Variants in DOCK4 observed in about 807,000 individuals in gnomAD.
DOCK4 encodes dedicator of cytokinesis 4.
Under a neutral mutation model 268.1 loss-of-function variants are expected in DOCK4, and 97 were observed. The ratio of observed to expected loss-of-function variants is 0.36; its 90% CI spans 0.31 to 0.43. The LOEUF (loss-of-function observed/expected upper bound fraction) is 0.43, where lower values mean the gene tolerates loss of function less well. Ranked by LOEUF, DOCK4 falls within the 20% of genes least tolerant of loss-of-function variation. The pLI is 1.00. For missense variants in DOCK4, 2,145 were observed against 2,455.7 expected (o/e 0.87, Z 2.67); for synonymous variants, 954 against 887.2 (o/e 1.08, Z -1.34).
intron 1 of DOCK4, among the ~76,000 whole-genome samples, chr7:112,051,460 T>G (rs1341208960): frequency 6.6e-6 from 1 of 152,078 alleles, no homozygotes; most frequent in African/African-American, 2.4e-5. Context: ...TTTAAATGAC[T>G]TCTTTTATCG....
chr7:111,748,600 G>A (rs1339495324), intron 42 of DOCK4, among the ~76,000 whole-genome samples: 1 of 152,092 alleles, frequency 6.6e-6, no homozygotes, highest in African/African-American at 2.4e-5. Flanking sequence ...TGGTAAAAAT[G>A]ACAACAGCAG....
chr7:111,854,409 T>G (rs558406006), intron 23 of DOCK4, among the ~76,000 whole-genome samples: 1 of 152,326 alleles, frequency 6.6e-6, no homozygotes, highest in Admixed American at 6.5e-5. Context: ...CGGACCCCCT[T>G]AGAGTTGTAA....
chr7:111,796,407 T>C (rs1029187788), intron 30 of DOCK4, among the ~76,000 whole-genome samples: 27 of 152,360 alleles, frequency 1.8e-4, no homozygotes, highest in Middle Eastern at 3.4e-3. Flanking sequence ...CTGCAGTACA[T>C]TGCAGCTTTG....
At position 112,109,893 on chromosome 7, in the gene DOCK4, C is replaced by T. The variant is rs1043289720; in HGVS notation, c.37+96209G>A. On this transcript the variant is annotated intron_variant, in intron 1 of 52. Transcript: ENST00000428084. ...CCAAGTAGCTGGGACTACAGGCGCC[C>T]GCCATCACGCCCGGCTAATTTTTTT... 2.9e-4 allele frequency among the ~76,000 whole-genome samples: 43 copies of T among 150,212 alleles called. 1 individual carries two copies. Among genetic ancestry groups the T allele is most frequent in the Non-Finnish European group, 4.9e-4 (33 of 67,952 alleles).
chr7:111,736,981 C>T lies in DOCK4; in HGVS notation c.5241G>A (p.Leu1747=), dbSNP rs1795544296. 1.2e-6 allele frequency: 2 copies of T among 1,603,440 alleles called. No homozygotes were observed. Among genetic ancestry groups the T allele is most frequent in the South Asian group, 2.3e-5 (2 of 88,676 alleles). ...PTPVEPSQRM[L]FNHIGDGALP... ...AGGCCCCGTCTCCAATATGATTAAA[C>T]AGCATCCTCTGCAAAGTTACAAGGG... Residue 1747 remains leucine, a synonymous_variant, in exon 50 of 53, where the codon CTG becomes CTA. Transcript: ENST00000428084.
At position 111,755,858 on chromosome 7, in the gene DOCK4, A is replaced by G. The variant is rs565484045; in HGVS notation, c.4330-257T>C. Among the ~76,000 whole-genome samples, 3 of 152,374 alleles carry G rather than the reference A, an allele frequency of 2.0e-5. No individual in the cohort carries two copies. The South Asian group carries it at 6.2e-4, about 32-fold the overall frequency. On this transcript the variant is annotated intron_variant, in intron 41 of 52. Transcript: ENST00000428084. Reference sequence around the variant, plus strand: ...CTTCAAACAGCAAGCTTAAAAATACAAAAATAGGCTATCATGTTATTTTCT... The same window carrying G: ...CTTCAAACAGCAAGCTTAAAAATACGAAAATAGGCTATCATGTTATTTTCT...
At chr7:111,944,542 A>G (rs1333197182) in intron 10 of DOCK4, among the ~76,000 whole-genome samples, 1 of 152,228 alleles carries the variant, frequency 6.6e-6, no homozygotes, top group Non-Finnish European at 1.5e-5. Flanking sequence ...AAATATGTTT[A>G]GGAAGGCTAG....
chr7:111,972,596 C>A (rs1413976833), intron 8 of DOCK4, among the ~76,000 whole-genome samples: 1 of 152,124 alleles, frequency 6.6e-6, no homozygotes, highest in African/African-American at 2.4e-5. Context: ...GTCCCTCCAC[C>A]TGTACCTGGA....
chr7:112,107,728 C>T (rs1376527015), intron 1 of DOCK4, among the ~76,000 whole-genome samples: 1 of 152,182 alleles, frequency 6.6e-6, no homozygotes, highest in Non-Finnish European at 1.5e-5. Context: ...GCGTAGAATT[C>T]TGAAGAGTGA....
chr7:111,910,185 A>G (rs1041910701), intron 13 of DOCK4, among the ~76,000 whole-genome samples: 22 of 152,208 alleles, frequency 1.4e-4, no homozygotes, highest in Non-Finnish European at 5.9e-5. Context: ...GCCTGGAAAG[A>G]ATCACAGAGT....
intron 8 of DOCK4, among the ~76,000 whole-genome samples, chr7:111,950,622 C>A (rs573005232): frequency 2.0e-5 from 3 of 152,246 alleles, no homozygotes; most frequent in African/African-American, 7.2e-5. Context: ...GAATAACACT[C>A]AAATAACTGG....
At chr7:111,860,701 A>C (rs1015387833) in intron 23 of DOCK4, among the ~76,000 whole-genome samples, 1 of 152,194 alleles carries the variant, frequency 6.6e-6, no homozygotes, top group African/African-American at 2.4e-5. Flanking sequence ...TGCAGGGTCA[A>C]CATTTCTTGG....
At chr7:111,740,124 C>A (rs1326258063) in intron 47 of DOCK4, 3 of 443,732 alleles carry the variant, frequency 6.8e-6, no homozygotes, top group African/African-American at 2.0e-5. Flanking sequence ...CTTTGAGACA[C>A]AGTCTCGCTT....
intron 1 of DOCK4, among the ~76,000 whole-genome samples, chr7:112,189,465 G>A (rs1819736915): frequency 1.3e-5 from 2 of 152,290 alleles, no homozygotes; most frequent in African/African-American, 2.4e-5. Flanking sequence ...ATGTATCTGA[G>A]TATCTTCTGG....
chr7:111,768,846 C>T (rs1305565235), intron 37 of DOCK4, among the ~76,000 whole-genome samples: 4 of 152,090 alleles, frequency 2.6e-5, no homozygotes, highest in African/African-American at 4.8e-5. Flanking sequence ...ACAATATCTG[C>T]GTGCTATGGT....
intron 52 of DOCK4, among the ~76,000 whole-genome samples, chr7:111,729,005 G>A (rs1022441968): frequency 1.5e-4 from 23 of 152,144 alleles, no homozygotes; most frequent in African/African-American, 5.3e-4. Context: ...AAGCCCAGGA[G>A]GGAGGCCTCG....
At chr7:112,100,913 C>T (rs1392229188) in intron 1 of DOCK4, among the ~76,000 whole-genome samples, 1 of 152,084 alleles carries the variant, frequency 6.6e-6, no homozygotes, top group African/African-American at 2.4e-5. Flanking sequence ...TAAGCTCCAC[C>T]CTTAAAGAAT....
intron 1 of DOCK4, among the ~76,000 whole-genome samples, chr7:112,174,969 C>T: frequency 1.6e-5 from 2 of 126,738 alleles, no homozygotes; most frequent in African/African-American, 6.3e-5. Flanking sequence ...GAGACAGAGT[C>T]TCACTCTGTT....
At chr7:111,983,862 G>GCGTGCGCGCGCGCGCGCACACACACACA in intron 7 of DOCK4, among the ~76,000 whole-genome samples, 1 of 138,648 alleles carries the variant, frequency 7.2e-6, no homozygotes, top group East Asian at 2.2e-4. Context: ...GCGCGCGCGC[G>GCGTGCGCGCGCGCGCGCACACACACACA]CACACACACA....
Sources: gnomAD v4.1 joint callset for allele counts (sites outside exome capture counted in the v4.1 genomes callset) on GRCh38, gnomAD v4.1.1 for gene constraint, MANE v1.5 for transcripts, NCBI Gene and HGNC (gene_info 2026-07-23, HGNC 2026-07-21) for gene names.